Variants in CDC45 observed in about 807,000 individuals in gnomAD.
CDC45 encodes cell division cycle 45.
CDC45 carries 54 observed loss-of-function variants against 77.8 expected under a neutral mutation model. The ratio of observed to expected loss-of-function variants is 0.69; its 90% confidence interval spans 0.56 to 0.87. The LOEUF is 0.87. CDC45 is among the 40% of genes least tolerant of loss of function. The pLI is 0.00. For synonymous variants in CDC45, 260 were observed against 272.1 expected (o/e 0.96, Z 0.44); for missense variants, 649 against 721.6 (o/e 0.90, Z 1.15).
At chr22:19,510,486 G>T (rs1933451299) in intron 13 of CDC45, among the ~76,000 whole-genome samples, 1 of 152,088 alleles carries the variant, frequency 6.6e-6, no homozygotes, top group Non-Finnish European at 1.5e-5. Flanking sequence ...CATCATATTT[G>T]CAAGGCTCAT....
intron 8 of CDC45, among the ~76,000 whole-genome samples, chr22:19,498,615 A>T (rs1217071688): frequency 2.0e-5 from 3 of 152,226 alleles, no homozygotes; most frequent in Non-Finnish European, 2.9e-5. Context: ...AAGCTGCAGG[A>T]TGAGTAGATG....
intron 7 of CDC45, among the ~76,000 whole-genome samples, chr22:19,496,537 C>G (rs5746754): frequency 6.6e-6 from 1 of 152,206 alleles, no homozygotes; most frequent in Non-Finnish European, 1.5e-5. Flanking sequence ...ACCTTGAACT[C>G]TAAGCACCGT....
chr22:19,484,866 A>G (rs1169959176), intron 5 of CDC45, among the ~76,000 whole-genome samples: 1 of 151,424 alleles, frequency 6.6e-6, no homozygotes, highest in Non-Finnish European at 1.5e-5. Context: ...AACCTCTTGG[A>G]CCCACTGTTA....
In CDC45 at chr22:19,502,251, T is replaced by C. The variant is rs372732770; in HGVS notation, c.704+3100T>C. 2.8e-4 allele frequency among the ~76,000 whole-genome samples: 42 copies of C among 152,312 alleles called. 1 individual carries two copies. The South Asian group carries it at 8.1e-3, about 29-fold the overall frequency. On this transcript the variant is annotated intron_variant, in intron 9 of 18. Coordinates refer to ENST00000263201, the MANE Select transcript of CDC45 (RefSeq NM_003504.5). ...ACCCTAAATATCCAGTAGAGACAAA[T>C]ATAAAATCGTTCAGTCAATAAACTC...
At position 19,520,177 on chromosome 22, in the gene CDC45, T is replaced by C. The variant is rs1396658650; in HGVS notation, c.*2-304T>C. Among the ~76,000 whole-genome samples the C allele has an allele frequency of 3.3e-5, 5 of 151,884 alleles. No homozygotes were observed. Among genetic ancestry groups the C allele is most frequent in the Non-Finnish European group, 5.9e-5 (4 of 67,896 alleles). On this transcript the variant is annotated intron_variant, in intron 18 of 18. Coordinates refer to ENST00000263201, the MANE Select transcript of CDC45 (RefSeq NM_003504.5). This position sits in a 1 kb window ranked among gnomAD's most constrained non-coding sequence, Gnocchi z 4.5. ...GGGCTAGGAGGGCTGAGCAGCAGAGTGCCGAGGGATGGAGGGAGAGCCCCC... is the reference window on the plus strand; with the variant it reads ...GGGCTAGGAGGGCTGAGCAGCAGAGCGCCGAGGGATGGAGGGAGAGCCCCC...
Position 19,494,894 on chromosome 22 carries a change from C to T in CDC45, c.542+512C>T, listed in dbSNP as rs13447215. On this transcript the variant is annotated intron_variant, in intron 6 of 18. Coordinates refer to ENST00000263201, the MANE Select transcript of CDC45 (RefSeq NM_003504.5). ...TGCCACAGGAGGAAGGCTGCCCCCT[C>T]GGATAAGGACAACGTAAGACAGGTG... 4.9e-4 allele frequency among the ~76,000 whole-genome samples: 75 copies of T among 152,162 alleles called. 1 individual carries two copies. In the East Asian group the frequency reaches 9.9e-3, roughly 20 times the overall value.
At chr22:19,506,613 C>CA (rs918226326) in intron 10 of CDC45, among the ~76,000 whole-genome samples, 5 of 152,142 alleles carry the variant, frequency 3.3e-5, no homozygotes, top group African/African-American at 1.2e-4. Context: ...CTCACGGTGC[C>CA]AGGGGCAGTG....
At chr22:19,497,719 G>T (rs1339036024) in intron 8 of CDC45, among the ~76,000 whole-genome samples, 2 of 152,192 alleles carry the variant, frequency 1.3e-5, no homozygotes, top group Non-Finnish European at 2.9e-5. Context: ...TGCTCAGCCT[G>T]TACTCAGTAA....
chr22:19,483,233 C>T (rs1255806120), intron 4 of CDC45, among the ~76,000 whole-genome samples: 2 of 152,162 alleles, frequency 1.3e-5, no homozygotes, highest in Admixed American at 1.3e-4. Flanking sequence ...AAGATTGAGA[C>T]CATCCTGGCT....
At chr22:19,498,013 G>A (rs2090274248) in intron 8 of CDC45, among the ~76,000 whole-genome samples, 1 of 149,772 alleles carries the variant, frequency 6.7e-6, no homozygotes. Flanking sequence ...ACCAAAAATA[G>A]AAAAAAAAAA....
chr22:19,499,034 C>G, intron 8 of CDC45, 67 bp from the exon 9 acceptor site: 1 of 1,523,954 alleles, frequency 6.6e-7, no homozygotes, highest in African/African-American at 1.4e-5. Flanking sequence ...TCATCTCACT[C>G]CATCCCCCAG....
At chr22:19,479,755 G>T (rs550082430), upstream of CDC45, 2 of 646,406 alleles carry the variant, frequency 3.1e-6, no homozygotes, top group Admixed American at 2.4e-5. Context: ...ACGCTTCTTT[G>T]GGGGCGGGCT....
At chr22:19,495,937 T>A (rs779356050) in intron 6 of CDC45, 44 bp from the exon 7 acceptor site, 4 of 1,418,764 alleles carry the variant, frequency 2.8e-6, no homozygotes, top group Non-Finnish European at 4.0e-6. Context: ...TGGCTTCCTG[T>A]ACTGCTACTT....
chr22:19,511,117 C>T (rs1015571565), intron 13 of CDC45, among the ~76,000 whole-genome samples: 2 of 152,156 alleles, frequency 1.3e-5, no homozygotes, highest in African/African-American at 4.8e-5. Flanking sequence ...TACATTCCCA[C>T]CAGGAGGGAG....
chr22:19,506,188 GTC>G (rs1331806108), intron 10 of CDC45, among the ~76,000 whole-genome samples: 1 of 152,186 alleles, frequency 6.6e-6, no homozygotes, highest in Admixed American at 6.5e-5. Flanking sequence ...GAGCTGCCCT[GTC>G]TCTGCACTGT....
At chr22:19,487,304 A>AG (rs2090084967) in intron 5 of CDC45, among the ~76,000 whole-genome samples, 1 of 147,600 alleles carries the variant, frequency 6.8e-6, no homozygotes, top group African/African-American at 2.5e-5. Flanking sequence ...AAAAAAAAAA[A>AG]AAAAAAAGAA....
intron 7 of CDC45, among the ~76,000 whole-genome samples, chr22:19,497,161 A>T (rs748824421): frequency 6.6e-6 from 1 of 152,224 alleles, no homozygotes; most frequent in Non-Finnish European, 1.5e-5. Flanking sequence ...ACAGACAGTA[A>T]TGATTTTAGG....
At chr22:19,515,689 T>C (rs1321181368) in intron 15 of CDC45, among the ~76,000 whole-genome samples, 1 of 152,208 alleles carries the variant, frequency 6.6e-6, no homozygotes, top group East Asian at 1.9e-4. Context: ...AACCAGGTAA[T>C]GTCAAAGATA....
intron 17 of CDC45, among the ~76,000 whole-genome samples, chr22:19,517,258 G>A (rs984206285): frequency 6.6e-6 from 1 of 152,198 alleles, no homozygotes; most frequent in African/African-American, 2.4e-5. Context: ...TGAGGGAACA[G>A]CAGGGCCCGT....
Sources: allele counts gnomAD v4.1 joint callset (sites outside exome capture counted in the v4.1 genomes callset), GRCh38; gene constraint gnomAD v4.1.1; non-coding constraint Gnocchi (gnomAD v3.1); transcripts MANE v1.5; gene names NCBI Gene and HGNC (gene_info 2026-07-23, HGNC 2026-07-21).